Variants in MAST4 observed in about 807,000 individuals in gnomAD.
MAST4 encodes microtubule-associated serine/threonine-protein kinase 4.
MAST4 carries 89 observed loss-of-function variants against 162.7 expected under a neutral mutation model. The observed-to-expected ratio is 0.55, with a 90% CI of 0.46 to 0.65. MAST4 has a LOEUF of 0.65. MAST4 is among the 30% of genes least tolerant of loss of function. The pLI is 0.00. For missense variants in MAST4, 3,153 were observed against 3,374.0 expected (o/e 0.93, Z 1.62); for synonymous variants, 1,479 against 1,361.1 (o/e 1.09, Z -1.91).
intron 4 of MAST4, among the ~76,000 whole-genome samples, chr5:66,923,662 C>T (rs1352141178): frequency 6.6e-6 from 1 of 152,184 alleles, no homozygotes; most frequent in South Asian, 2.1e-4. Context: ...CATGCTTCTT[C>T]TCAGTATAGT....
In MAST4 at chr5:67,104,536, C is replaced by G. The variant is rs751415407; in HGVS notation, c.1317C>G (p.Phe439Leu). Residue 439 changes from phenylalanine (F) to leucine (L), a missense_variant, in exon 10 of 29, where the codon TTC becomes TTG. Coordinates refer to ENST00000403625, the MANE Select transcript of MAST4 (RefSeq NM_001164664.2). The stretch of plus-strand genomic sequence containing the variant: ...AGGGCCTCATCACCTCACGATACTT[C>G]CTTGAATTACAGCACAAATTAGATA... ...SHQGLITSRY[F>L]LELQHKLDKL... is the part of the protein sequence containing the mutation. The G allele has an allele frequency of 1.2e-6, 2 of 1,613,706 alleles. No homozygotes were observed. The highest frequency in any genetic ancestry group is 2.2e-5 in the East Asian group (1 of 44,848).
chr5:67,059,984 T>C (rs2150585634), intron 5 of MAST4, among the ~76,000 whole-genome samples: 1 of 152,256 alleles, frequency 6.6e-6, no homozygotes, highest in African/African-American at 2.4e-5. Flanking sequence ...ATCCCTTCAT[T>C]ATCTCCTCTG....
intron 4 of MAST4, among the ~76,000 whole-genome samples, chr5:67,016,158 G>A (rs751297938): frequency 1.3e-5 from 2 of 152,094 alleles, no homozygotes; most frequent in Non-Finnish European, 2.9e-5. Flanking sequence ...GAGGGAGGGG[G>A]AGGATATCTG....
In MAST4 at chr5:67,165,950, G is replaced by C; in HGVS notation, c.6771G>C (p.Gln2257His). Residue 2257 changes from glutamine (Q) to histidine (H), a missense_variant, in exon 29 of 29, where the codon CAG (glutamine) becomes CAC (histidine). Around this residue, in one of 7 missense-constraint regions of MAST4, gnomAD observed 1,644 missense variants for 1,495.0 expected, o/e 1.10. Transcript: ENST00000403625. ...TGTTTCCTGCTACCCCAGGCTCCCAGAACAAAGCCAGCGATGGGATTGGCC... is the reference window on the plus strand; with the variant it reads ...TGTTTCCTGCTACCCCAGGCTCCCACAACAAAGCCAGCGATGGGATTGGCC... ...PDVFPATPGSQNKASDGIGQG... is the reference protein window; with the variant it reads ...PDVFPATPGSHNKASDGIGQG... The C allele has an allele frequency of 6.2e-7, 1 of 1,613,440 alleles. No homozygotes were observed. Among genetic ancestry groups the C allele is most frequent in the Non-Finnish European group, 8.5e-7 (1 of 1,179,836 alleles).
At chr5:66,831,805 G>A (rs1490531843) in intron 3 of MAST4, among the ~76,000 whole-genome samples, 1 of 152,148 alleles carries the variant, frequency 6.6e-6, no homozygotes, top group African/African-American at 2.4e-5. Context: ...TTTTCAGATT[G>A]CATCTCAAAA....
intron 1 of MAST4, among the ~76,000 whole-genome samples, chr5:66,733,603 G>C (rs1228640845): frequency 6.6e-6 from 1 of 151,960 alleles, no homozygotes; most frequent in Non-Finnish European, 1.5e-5. Context: ...GATTACAGGC[G>C]CCCGCCACCA....
chr5:66,673,906 G>T (rs997406767), intron 1 of MAST4, among the ~76,000 whole-genome samples: 1 of 152,160 alleles, frequency 6.6e-6, no homozygotes, highest in Non-Finnish European at 1.5e-5. Context: ...TAACAAAGTG[G>T]TCATCTACAT....
chr5:66,748,637 G>A (rs1343864784), intron 1 of MAST4, among the ~76,000 whole-genome samples: 2 of 151,372 alleles, frequency 1.3e-5, no homozygotes, highest in African/African-American at 4.9e-5. Context: ...CTACAGGCGT[G>A]CGCAACCACA....
In MAST4 at chr5:67,165,675, A is replaced by G; in HGVS notation, c.6496A>G (p.Lys2166Glu). The G allele has an allele frequency of 6.3e-7, 1 of 1,593,406 alleles. No homozygotes were observed. The highest frequency in any genetic ancestry group is 8.5e-7 in the Non-Finnish European group (1 of 1,170,528). The change falls in exon 29 of 29, where the codon AAG becomes GAG. Residue 2166 changes from lysine (K) to glutamate (E), a missense_variant. Physicochemically the swap from Lys to Glu is moderately conservative, Grantham distance 56. Coordinates refer to ENST00000403625, the MANE Select transcript of MAST4 (RefSeq NM_001164664.2). ...CGCTTCTGGCAGAGAGCCGGGGGCCAAGCCCAGCACTGCAGAGCCCAGCTC... is the reference window on the plus strand; with the variant it reads ...CGCTTCTGGCAGAGAGCCGGGGGCCGAGCCCAGCACTGCAGAGCCCAGCTC... ...SHASGREPGA[K>E]PSTAEPSSSP...
intron 4 of MAST4, among the ~76,000 whole-genome samples, chr5:66,945,775 T>G (rs1743954168): frequency 6.6e-6 from 1 of 152,166 alleles, no homozygotes; most frequent in Non-Finnish European, 1.5e-5. Flanking sequence ...CTGAATGATC[T>G]TTTATACAGA....
intron 1 of MAST4, among the ~76,000 whole-genome samples, chr5:66,741,094 A>C (rs998532677): frequency 6.6e-6 from 1 of 151,994 alleles, no homozygotes; most frequent in Non-Finnish European, 1.5e-5. Context: ...TACTGAATGC[A>C]CTCTGACTTC....
In MAST4 at chr5:67,164,518, C is replaced by T. The variant is rs1405342355; in HGVS notation, c.5339C>T (p.Pro1780Leu). ...CCTGGCTTGGTTGCTCCTGAGTCCC[C>T]TGTTAGGAAGAGCCCCTCCGAGTAT... Reference protein sequence around the residue: ...EKPGLVAPESPVRKSPSEYKL... With the variant: ...EKPGLVAPESLVRKSPSEYKL... The change falls in exon 29 of 29, where the codon CCT becomes CTT. Residue 1780 changes from proline (P) to leucine (L), a missense_variant. This residue lies in a region of MAST4 where 1,644 missense variants were observed against 1,495.0 expected (regional missense o/e 1.10). Coordinates refer to ENST00000403625, the MANE Select transcript of MAST4 (RefSeq NM_001164664.2). This position sits in a 1 kb window ranked among gnomAD's most constrained non-coding sequence, Gnocchi z 5.3. 6.2e-7 allele frequency: 1 copy of T among 1,613,926 alleles called. No homozygotes were observed. The highest frequency in any genetic ancestry group is 1.3e-5 in the African/African-American group (1 of 74,946).
chr5:66,659,389 A>C (rs953230236), intron 1 of MAST4, among the ~76,000 whole-genome samples: 21 of 152,222 alleles, frequency 1.4e-4, no homozygotes, highest in Admixed American at 5.9e-4. Flanking sequence ...TCACGTTGCC[A>C]TATGTATCCA....
At chr5:66,995,835 C>T (rs904793615) in intron 4 of MAST4, among the ~76,000 whole-genome samples, 2 of 151,620 alleles carry the variant, frequency 1.3e-5, no homozygotes, top group African/African-American at 4.9e-5. Flanking sequence ...ATGATTTCAC[C>T]ACTATACTCC....
At chr5:66,869,228 T>G (rs1760751215) in intron 3 of MAST4, among the ~76,000 whole-genome samples, 1 of 152,236 alleles carries the variant, frequency 6.6e-6, no homozygotes, top group Admixed American at 6.5e-5. Context: ...CACCTTCTGA[T>G]AAACCATTAA....
At chr5:66,620,648 T>G (rs1253511793) in intron 1 of MAST4, among the ~76,000 whole-genome samples, 3 of 152,238 alleles carry the variant, frequency 2.0e-5, no homozygotes, top group Non-Finnish European at 4.4e-5. Context: ...AAGTTGAGAC[T>G]TAACATTTTT....
chr5:67,082,364 A>G (rs886710596), intron 5 of MAST4, among the ~76,000 whole-genome samples: 4 of 151,950 alleles, frequency 2.6e-5, no homozygotes, highest in Non-Finnish European at 5.9e-5. Context: ...CCATCTCTTG[A>G]CCTCGTGATC....
intron 3 of MAST4, among the ~76,000 whole-genome samples, chr5:66,866,525 A>C (rs1054945092): frequency 6.6e-6 from 1 of 152,152 alleles, no homozygotes; most frequent in Non-Finnish European, 1.5e-5. Context: ...ACTTATTTTC[A>C]TGGAATATTT....
At chr5:66,867,015 C>T (rs756361497) in intron 3 of MAST4, among the ~76,000 whole-genome samples, 1 of 152,284 alleles carries the variant, frequency 6.6e-6, no homozygotes, top group Non-Finnish European at 1.5e-5. Context: ...CCAACTTCAG[C>T]CTTCCAAAGT....
Sources: gnomAD v4.1 joint callset for allele counts (sites outside exome capture counted in the v4.1 genomes callset) on GRCh38, gnomAD v4.1.1 for gene constraint, gnomAD v4.1.1 regional missense constraint, Gnocchi (gnomAD v3.1) non-coding constraint, MANE v1.5 for transcripts, NCBI Gene and HGNC (gene_info 2026-07-23, HGNC 2026-07-21) for gene names.